Variants in ZSCAN9 observed in about 807,000 individuals in gnomAD.
ZSCAN9 encodes zinc finger and SCAN domain containing 9, also known as zinc finger and SCAN domain-containing protein 9.
ZSCAN9 carries 19 observed loss-of-function variants against 23.0 expected under a neutral mutation model. That is an observed-to-expected ratio of 0.83 (90% CI 0.58 to 1.21). ZSCAN9 has a LOEUF of 1.21. ZSCAN9 is among the 50% of genes most tolerant of loss of function. The probability of loss-of-function intolerance (pLI) is 0.00; values close to 1 mark genes in which losing one functional copy is unlikely to be tolerated. For missense variants in ZSCAN9, 467 were observed against 471.5 expected (o/e 0.99, Z 0.09); for synonymous variants, 155 against 164.8 (o/e 0.94, Z 0.46).
intron 3 of ZSCAN9, among the ~76,000 whole-genome samples, chr6:28,229,915 T>C (rs1339220575): frequency 6.6e-6 from 1 of 151,588 alleles, no homozygotes; most frequent in Non-Finnish European, 1.5e-5. Context: ...TGGAATGCAG[T>C]GGCACGATCT....
chr6:28,232,332 A>G (rs968901385), intron 3 of ZSCAN9, among the ~76,000 whole-genome samples: 2 of 152,188 alleles, frequency 1.3e-5, no homozygotes, highest in Admixed American at 6.5e-5. Context: ...CTCTGGCTCA[A>G]AAAACAAAAC....
Position 28,233,312 on chromosome 6 carries a change from C to T in ZSCAN9, c.*134C>T. ...ATCCTGACTTAAGGCCCAGGGACTT[C>T]CTTAAAGGAAAGTTGGGTGTTTGAA... On this transcript the variant is annotated 3_prime_UTR_variant, in exon 4 of 4. Transcript: ENST00000252207. The T allele has an allele frequency of 6.9e-7, 1 of 1,456,956 alleles. No individual in the cohort carries two copies. Among genetic ancestry groups the T allele is most frequent in the Non-Finnish European group, 9.0e-7 (1 of 1,106,324 alleles). The allele number at this position is 1,456,956 out of a possible 1,614,324, so 90.3% of individuals were successfully genotyped here.
At position 28,233,385 on chromosome 6, in the gene ZSCAN9, A is replaced by G. The variant is rs1760381694; in HGVS notation, c.*207A>G. 2 of 694,356 alleles carry G rather than the reference A, an allele frequency of 2.9e-6. 1 individual carries two copies. The highest frequency in any genetic ancestry group is 7.4e-5 in the Admixed American group (2 of 27,140). The allele number at this position is 694,356 out of a possible 1,614,324, so 43.0% of individuals were successfully genotyped here. A position where few individuals can be genotyped will look rare whatever the true frequency, so the allele number is the denominator to read the frequency against. On this transcript the variant is annotated 3_prime_UTR_variant, in exon 4 of 4. Transcript: ENST00000252207. ...ATTTTACCTCTTTCTTACTCTTACT[A>G]GCTGTGTCCCTCTTATTTATAATTT... is the stretch of plus-strand genomic sequence containing the variant.
chr6:28,227,756 C>G lies in ZSCAN9; in HGVS notation c.487C>G (p.Pro163Ala). 6.2e-7 allele frequency: 1 copy of G among 1,613,554 alleles called. No individual in the cohort carries two copies. The highest frequency in any genetic ancestry group is 8.5e-7 in the Non-Finnish European group (1 of 1,179,856). Residue 163 changes from proline to alanine, a missense_variant, in exon 3 of 4, where the codon CCA (proline) becomes GCA (alanine). Coordinates refer to ENST00000252207, the MANE Select transcript of ZSCAN9 (RefSeq NM_006299.5). ...KEMVPLAEQT[P>A]LTLQSQPKEP... ...GATGGTGCCTCTAGCAGAGCAGACA[C>G]CACTGACCCTTCAGTCCCAGCCTAA...
intron 3 of ZSCAN9, chr6:28,230,422 C>T (rs1279739660): frequency 6.5e-7 from 1 of 1,536,032 alleles, no homozygotes; most frequent in Non-Finnish European, 8.7e-7. Flanking sequence ...ATTTTCCAAA[C>T]CTGTTGTGAT....
In ZSCAN9 at chr6:28,232,996, G is replaced by T. The variant is rs77892573; in HGVS notation, c.1003G>T (p.Glu335Ter). The change falls in exon 4 of 4, where the codon GAA becomes TAA. Residue 335 changes from glutamate to a stop codon, truncating the protein, a stop_gained. Transcript: ENST00000252207. LOFTEE classifies it low-confidence loss of function (END_TRUNC). The part of the protein sequence containing the change: ...LIQHQRIHKG[E>*]KPYQCSQCSK... ...CCAGCATCAGAGAATCCACAAAGGAGAAAAGCCGTATCAGTGCAGCCAGTG... is the reference window on the plus strand; with the variant it reads ...CCAGCATCAGAGAATCCACAAAGGATAAAAGCCGTATCAGTGCAGCCAGTG... The T allele has an allele frequency of 2.5e-6, 4 of 1,614,154 alleles. No individual in the cohort carries two copies. The highest frequency in any genetic ancestry group is 2.5e-6 in the Non-Finnish European group (3 of 1,180,026).
At chr6:28,226,435 T>C (rs941317289) in intron 1 of ZSCAN9, among the ~76,000 whole-genome samples, 2 of 152,276 alleles carry the variant, frequency 1.3e-5, no homozygotes, top group Non-Finnish European at 2.9e-5. Context: ...TTTCTCTAAG[T>C]TGATGTTTAT....
chr6:28,229,950 C>T (rs1760245312), intron 3 of ZSCAN9, among the ~76,000 whole-genome samples: 1 of 151,868 alleles, frequency 6.6e-6, no homozygotes, highest in African/African-American at 2.4e-5. Flanking sequence ...CTCCGCCTCC[C>T]GGGTTCATGC....
At chr6:28,227,589 T>C in intron 2 of ZSCAN9, 85 bp downstream of exon 2, 2 of 1,568,198 alleles carry the variant, frequency 1.3e-6, no homozygotes, top group Non-Finnish European at 1.7e-6. Context: ...CTCCTTGACA[T>C]TGGTGATAAA....
intron 3 of ZSCAN9, chr6:28,230,264 T>G (rs1760260002): frequency 1.5e-6 from 2 of 1,338,228 alleles, no homozygotes; most frequent in Non-Finnish European, 2.0e-6. Context: ...GAAAGTTGTA[T>G]AAATGGTAAT....
In ZSCAN9 at chr6:28,229,273, G is replaced by A. The variant is rs571291879; in HGVS notation, c.568+1436G>A. ...CTGATATCATTTTCCCTCTTTATGAGCATCTTTCCAGTCAATTTGTTTCTT... is the reference window on the plus strand; with the variant it reads ...CTGATATCATTTTCCCTCTTTATGAACATCTTTCCAGTCAATTTGTTTCTT... On this transcript the variant is annotated intron_variant, in intron 3 of 3. Transcript: ENST00000252207. The A allele has an allele frequency of 7.9e-5, 12 of 152,240 alleles. 1 individual carries two copies. Among genetic ancestry groups the A allele is most frequent in the African/African-American group, 2.6e-4 (11 of 41,528 alleles). The allele number at this position is 152,240 out of a possible 1,614,324, so 9.4% of individuals were successfully genotyped here.
chr6:28,229,438 C>T (rs1381176440), intron 3 of ZSCAN9, among the ~76,000 whole-genome samples: 3 of 152,162 alleles, frequency 2.0e-5, no homozygotes, highest in Non-Finnish European at 1.5e-5. Flanking sequence ...ATCCACTTAT[C>T]TATCCATCTA....
In ZSCAN9 at chr6:28,227,768, C is replaced by T; in HGVS notation, c.499C>T (p.Gln167Ter). The change falls in exon 3 of 4, where the codon CAG (glutamine) becomes TAG (stop). Residue 167 changes from glutamine to a stop codon, truncating the protein, a stop_gained. Coordinates refer to ENST00000252207, the MANE Select transcript of ZSCAN9 (RefSeq NM_006299.5). LOFTEE classifies it high-confidence loss of function. ...AGCAGAGCAGACACCACTGACCCTTCAGTCCCAGCCTAAGGAGCCACAGCT... is the reference window on the plus strand; with the variant it reads ...AGCAGAGCAGACACCACTGACCCTTTAGTCCCAGCCTAAGGAGCCACAGCT... ...PLAEQTPLTL[Q>*]SQPKEPQLTC... 6.2e-7 allele frequency: 1 copy of T among 1,613,526 alleles called. No individual in the cohort carries two copies. Among genetic ancestry groups the T allele is most frequent in the Non-Finnish European group, 8.5e-7 (1 of 1,179,856 alleles).
Position 28,232,653 on chromosome 6 carries a change from G to A in ZSCAN9, c.660G>A (p.Gln220=), listed in dbSNP as rs1259331526. The stretch of plus-strand genomic sequence containing the variant: ...CACATGGGAAAATGTTTAATGAGCA[G>A]ACCTGGGAGGTATCACAGCAGGATC... The part of the protein sequence containing the change: ...VEPHGKMFNE[Q]TWEVSQQDPS... The change falls in exon 4 of 4, where the codon CAG becomes CAA. Residue 220 remains glutamine (Q), a synonymous_variant. Transcript: ENST00000252207. The A allele has an allele frequency of 6.2e-7, 1 of 1,614,174 alleles. No homozygotes were observed. The highest frequency in any genetic ancestry group is 2.2e-5 in the East Asian group (1 of 44,878).
At chr6:28,229,771 G>A (rs1343338878) in intron 3 of ZSCAN9, among the ~76,000 whole-genome samples, 8 of 151,918 alleles carry the variant, frequency 5.3e-5, no homozygotes, top group Non-Finnish European at 1.2e-4. Flanking sequence ...CTCCCTAGAG[G>A]TAGCTACTCT....
intron 3 of ZSCAN9, chr6:28,230,465 C>T (rs1386848786): frequency 6.5e-7 from 1 of 1,535,984 alleles, no homozygotes; most frequent in Middle Eastern, 1.7e-4. Flanking sequence ...GAAACATGGC[C>T]TAACAACAGA....
At chr6:28,230,149 G>A (rs535497484) in intron 3 of ZSCAN9, among the ~76,000 whole-genome samples, 117 of 152,244 alleles carry the variant, frequency 7.7e-4, no homozygotes, top group Non-Finnish European at 1.2e-3. Flanking sequence ...GAGTCACAGC[G>A]CCTGGCCCAT....
intron 3 of ZSCAN9, chr6:28,230,293 G>A (rs995927464): frequency 8.9e-6 from 13 of 1,468,486 alleles, no homozygotes; most frequent in Non-Finnish European, 1.1e-5. Context: ...GGTGGGAAAT[G>A]TCTGAATTTT....
chr6:28,229,107 T>G (rs1760210211), intron 3 of ZSCAN9: 1 of 152,250 alleles, frequency 6.6e-6, no homozygotes, highest in Non-Finnish European at 1.5e-5. Flanking sequence ...CCCTAGGTTC[T>G]GTTTATTTCA....
Sources: allele counts gnomAD v4.1 joint callset (sites outside exome capture counted in the v4.1 genomes callset), GRCh38; gene constraint gnomAD v4.1.1; transcripts MANE v1.5; gene names NCBI Gene and HGNC (gene_info 2026-07-23, HGNC 2026-07-21).